The following RP1 variants were observed in gnomAD, a reference collection of about 807,000 sequenced individuals.
The protein encoded by RP1 is RP1 axonemal microtubule associated, also known as oxygen-regulated protein 1.
A neutral mutation model predicts 14.8 loss-of-function variants in RP1; 16 were observed. That is an observed-to-expected ratio of 1.08 (90% confidence interval 0.73 to 1.65). The LOEUF (loss-of-function observed/expected upper bound fraction) is 1.65. Ranked by LOEUF, RP1 falls within the 40% of genes most tolerant of loss-of-function variation. The pLI is 0.00. For missense variants in RP1, 2,631 were observed against 2,535.0 expected (o/e 1.04, Z -0.81); for synonymous variants, 876 against 883.6 (o/e 0.99, Z 0.15).
At chr8:54,706,408 C>T (rs2129345174) in intron 14 of RP1, 1 of 1,529,762 alleles carries the variant, frequency 6.5e-7, no homozygotes, top group Non-Finnish European at 8.8e-7. Flanking sequence ...GAGCCCGTTA[C>T]TGACTGCCTT....
chr8:54,772,145 T>A (rs1428215367), downstream of RP1, among the ~76,000 whole-genome samples: 1 of 152,114 alleles, frequency 6.6e-6, no homozygotes, highest in Non-Finnish European at 1.5e-5. Flanking sequence ...CACCTTATAA[T>A]CTTAAATATT....
chr8:54,747,056 C>CA (rs1316030834), intron 19 of RP1, among the ~76,000 whole-genome samples: 2 of 152,156 alleles, frequency 1.3e-5, no homozygotes, highest in Non-Finnish European at 2.9e-5. Flanking sequence ...ATTGCTGAAA[C>CA]ATACCTCAAT....
At position 54,624,887 on chromosome 8, in the gene RP1, G is replaced by T. The variant is rs1196381988; in HGVS notation, c.1005G>T (p.Met335Ile). 1 of 1,613,884 alleles carries T rather than the reference G, an allele frequency of 6.2e-7. No individual in the cohort carries two copies. ...AAGACGGCACTATGACAGTTGAGAT[G>T]AAAGTTCGATTCAGAATAAAAGAGG... Reference protein sequence around the residue: ...FNQDGTMTVEMKVRFRIKEEE... With the variant: ...FNQDGTMTVEIKVRFRIKEEE... The change falls in exon 4 of 4, where the codon ATG (methionine) becomes ATT (isoleucine). Residue 335 changes from methionine (M) to isoleucine (I), a missense_variant. Physicochemically the swap from Met to Ile is conservative, Grantham distance 10 (BLOSUM62 1). Transcript: ENST00000220676.
chr8:54,560,592 G>A (rs939622708), intron 1 of RP1: 1 of 152,010 alleles, frequency 6.6e-6, no homozygotes, highest in African/African-American at 2.4e-5. Context: ...GGTCCCTAAG[G>A]TTTCTGCGAG....
intron 24 of RP1, among the ~76,000 whole-genome samples, chr8:54,830,103 T>C (rs1463362843): frequency 6.6e-6 from 1 of 152,174 alleles, no homozygotes; most frequent in Non-Finnish European, 1.5e-5. Context: ...TTTGTAAATA[T>C]CTATCAATTA....
chr8:54,677,680 T>A (rs1411720578), intron 8 of RP1, among the ~76,000 whole-genome samples: 1 of 152,150 alleles, frequency 6.6e-6, no homozygotes, highest in African/African-American at 2.4e-5. Flanking sequence ...TGAACTGTGA[T>A]TGCACTACTG....
In RP1 at chr8:54,817,324, G is replaced by GT. The variant is rs1475860099; in HGVS notation, c.3616-20124dup. ...TTGAGACAAAGAAGATCAGGTTAGG[G>GT]TTGGTGTCTTGGGCATGCTTTTGGA... On this transcript the variant is annotated intron_variant, in intron 24 of 28. Transcript: ENST00000637698. Among the ~76,000 whole-genome samples, 9 of 152,202 alleles carry GT rather than the reference G, an allele frequency of 5.9e-5. No homozygotes were observed. The East Asian group carries it at 1.7e-3, about 29-fold the overall frequency.
At chr8:54,586,410 G>T (rs1007688667) in intron 1 of RP1, among the ~76,000 whole-genome samples, 4 of 152,178 alleles carry the variant, frequency 2.6e-5, no homozygotes, top group Non-Finnish European at 5.9e-5. Flanking sequence ...TGCCCCTACT[G>T]GGGGGTGCCT....
intron 8 of RP1, among the ~76,000 whole-genome samples, chr8:54,676,078 A>G (rs1315778440): frequency 6.6e-6 from 1 of 152,018 alleles, no homozygotes; most frequent in East Asian, 1.9e-4. Flanking sequence ...TCATGACTTA[A>G]TCACATCCTA....
intron 28 of RP1, among the ~76,000 whole-genome samples, chr8:54,866,100 T>A (rs1812452280): frequency 6.6e-6 from 1 of 152,136 alleles, no homozygotes; most frequent in Non-Finnish European, 1.5e-5. Flanking sequence ...CTCTCTTCTT[T>A]TGTAATCTCT....
intron 1 of RP1, among the ~76,000 whole-genome samples, chr8:54,572,577 G>A (rs1005080586): frequency 2.0e-5 from 3 of 152,200 alleles, no homozygotes; most frequent in Admixed American, 6.5e-5. Context: ...AAGCAGAAAA[G>A]CTCTCTAAGG....
chr8:54,841,583 G>C (rs766405064), intron 25 of RP1, among the ~76,000 whole-genome samples: 9 of 152,206 alleles, frequency 5.9e-5, no homozygotes, highest in Non-Finnish European at 1.2e-4. Context: ...TACATTGCTG[G>C]TGGGATTATA....
chr8:54,834,766 T>C (rs746334927), intron 24 of RP1, among the ~76,000 whole-genome samples: 12 of 152,046 alleles, frequency 7.9e-5, no homozygotes, highest in Non-Finnish European at 1.6e-4. Context: ...GTTTTTAGTT[T>C]ATACTTCTAC....
chr8:54,826,566 C>G (rs1006198717), intron 24 of RP1, among the ~76,000 whole-genome samples: 1 of 151,502 alleles, frequency 6.6e-6, no homozygotes, highest in African/African-American at 2.4e-5. Flanking sequence ...AGTATTACAG[C>G]AAAGTTTAAA....
intron 1 of RP1, among the ~76,000 whole-genome samples, chr8:54,604,062 T>A (rs1285563124): frequency 6.6e-6 from 1 of 152,202 alleles, no homozygotes; most frequent in Non-Finnish European, 1.5e-5. Context: ...TGGCCAGAAC[T>A]TCCAACACTA....
At chr8:54,585,305 A>G (rs918810004) in intron 1 of RP1, among the ~76,000 whole-genome samples, 2 of 152,188 alleles carry the variant, frequency 1.3e-5, no homozygotes, top group Non-Finnish European at 2.9e-5. Flanking sequence ...TCTTTTCTTT[A>G]AGAATGTTGA....
chr8:54,852,367 T>C (rs753445375), intron 25 of RP1, among the ~76,000 whole-genome samples: 1 of 152,158 alleles, frequency 6.6e-6, no homozygotes, highest in Non-Finnish European at 1.5e-5. Flanking sequence ...GAAACAGTAG[T>C]TCTGGGAATA....
chr8:54,823,906 C>T (rs1431527594), intron 24 of RP1, among the ~76,000 whole-genome samples: 1 of 152,118 alleles, frequency 6.6e-6, no homozygotes, highest in East Asian at 1.9e-4. Flanking sequence ...CCATCAACAA[C>T]ATATGAGAGA....
intron 6 of RP1, chr8:54,656,247 T>G: frequency 6.6e-7 from 1 of 1,522,140 alleles, no homozygotes; most frequent in East Asian, 2.5e-5. Context: ...GTAGCATGGA[T>G]AAAACTTGTT....
Sources: gnomAD v4.1 joint callset for allele counts (sites outside exome capture counted in the v4.1 genomes callset) on GRCh38, gnomAD v4.1.1 for gene constraint, MANE v1.5 for transcripts, NCBI Gene and HGNC (gene_info 2026-07-23, HGNC 2026-07-21) for gene names.